Variants in PLAAT1 observed in about 807,000 individuals in gnomAD.
The protein encoded by PLAAT1 is phospholipase A and acyltransferase 1, also known as H-REV107 protein-related protein.
A neutral mutation model predicts 16.4 loss-of-function variants in PLAAT1; 13 were observed. The ratio of observed to expected loss-of-function variants is 0.79; its 90% CI spans 0.52 to 1.26. The LOEUF (loss-of-function observed/expected upper bound fraction) is 1.26. Ranked by LOEUF, PLAAT1 falls within the 50% of genes most tolerant of loss-of-function variation. The probability of loss-of-function intolerance (pLI) is 0.00; values close to 1 mark genes in which losing one functional copy is unlikely to be tolerated. For missense variants in PLAAT1, 218 were observed against 207.8 expected (o/e 1.05, Z -0.30); for synonymous variants, 73 against 78.4 (o/e 0.93, Z 0.36).
downstream of PLAAT1, chr3:193,275,084 C>A: frequency 1.2e-6 from 2 of 1,614,196 alleles, no homozygotes; most frequent in Non-Finnish European, 8.5e-7. Context: ...GTTGGCCTCC[C>A]AATTTGAGTT....
At chr3:193,247,948 G>T (rs978623985) in intron 1 of PLAAT1, among the ~76,000 whole-genome samples, 6 of 152,082 alleles carry the variant, frequency 3.9e-5, no homozygotes, top group African/African-American at 1.4e-4. Context: ...AGGTCCATTT[G>T]GCTTAAAGTA....
rs1194970182 is a variant in PLAAT1 at position 193,268,281 on chromosome 3, C to T, written c.406-2323C>T. On this transcript the variant is annotated intron_variant, in intron 3 of 3. Coordinates refer to ENST00000264735, the MANE Select transcript of PLAAT1 (RefSeq NM_020386.5). Reference sequence around the variant, plus strand: ...ACAGGAACACATCCTGATGGTGCTTCGGTGCATATGACTGCAGCCTTACGA... The same window carrying T: ...ACAGGAACACATCCTGATGGTGCTTTGGTGCATATGACTGCAGCCTTACGA... Among the ~76,000 whole-genome samples the T allele has an allele frequency of 1.3e-5, 2 of 152,228 alleles. 1 individual carries two copies. The highest frequency in any genetic ancestry group is 4.2e-4 in the South Asian group (2 of 4,812).
chr3:193,245,908 T>C (rs1343583224), intron 1 of PLAAT1, among the ~76,000 whole-genome samples: 9 of 152,238 alleles, frequency 5.9e-5, no homozygotes, highest in Non-Finnish European at 1.5e-5. Flanking sequence ...GTTGTATGGA[T>C]TCCTTATATA....
chr3:193,250,378 C>T (rs1279559880), intron 1 of PLAAT1, among the ~76,000 whole-genome samples: 1 of 152,090 alleles, frequency 6.6e-6, no homozygotes, highest in Non-Finnish European at 1.5e-5. Flanking sequence ...GTTTAATCTC[C>T]CACTCATTCT....
chr3:193,276,954 T>C lies in PLAAT1; in HGVS notation c.*60-682T>C. ...GAGCTTAGTGGTGGGCATTACTTTG[T>C]CCCTTTACAGATAATACAACTGAAG... On this transcript the variant is annotated intron_variant and NMD_transcript_variant, in intron 2 of 2. Coordinates refer to the PLAAT1 transcript ENST00000416012. 4 of 721,658 alleles carry C rather than the reference T, an allele frequency of 5.5e-6. No homozygotes were observed. In the South Asian group the frequency reaches 8.2e-5, roughly 15 times the overall value. 44.7% of individuals were successfully genotyped at this position (721,658 alleles called of 1,614,324 possible).
upstream of PLAAT1, among the ~76,000 whole-genome samples, chr3:193,240,685 G>GTGTGTGTGTGT (rs71177395): frequency 2.0e-5 from 3 of 146,992 alleles, no homozygotes; most frequent in African/African-American, 5.0e-5. Context: ...GTGTGTGTGT[G>GTGTGTGTGTGT]GTTGGAGGTC....
At chr3:193,245,320 A>G (rs1457684858) in intron 1 of PLAAT1, among the ~76,000 whole-genome samples, 1 of 152,068 alleles carries the variant, frequency 6.6e-6, no homozygotes, top group Non-Finnish European at 1.5e-5. Context: ...GGCTTATTTC[A>G]CTTAGCACAG....
downstream of PLAAT1, among the ~76,000 whole-genome samples, chr3:193,275,609 C>T (rs887291647): frequency 1.1e-4 from 16 of 152,160 alleles, 1 homozygote; most frequent in Admixed American, 9.8e-4. Flanking sequence ...CAATAACGTG[C>T]TCAAAATGAA....
At chr3:193,249,895 A>G (rs1716129993) in intron 1 of PLAAT1, among the ~76,000 whole-genome samples, 1 of 151,664 alleles carries the variant, frequency 6.6e-6, no homozygotes, top group Admixed American at 6.6e-5. Flanking sequence ...TTTTTCATGC[A>G]TTGCTTTCCC....
In PLAAT1 at chr3:193,258,252, C is replaced by T. The variant is rs182903859; in HGVS notation, c.139+2463C>T. The stretch of plus-strand genomic sequence containing the variant: ...ACAACTTACCAAAATCTTTGGGATG[C>T]GCCTAAATCAATGTTAAAAGGAAAG... On this transcript the variant is annotated intron_variant, in intron 2 of 3. Coordinates refer to ENST00000264735, the MANE Select transcript of PLAAT1 (RefSeq NM_020386.5). Among the ~76,000 whole-genome samples, 41 of 152,228 alleles carry T rather than the reference C, an allele frequency of 2.7e-4. No individual in the cohort carries two copies. The East Asian group carries it at 4.6e-3, about 17-fold the overall frequency.
At chr3:193,280,801 C>A (rs188154637), downstream of PLAAT1, among the ~76,000 whole-genome samples, 214 of 152,254 alleles carry the variant, frequency 1.4e-3, 4 homozygotes, top group South Asian at 0.02. Context: ...ATGATTCTGA[C>A]AATCCTATAA....
chr3:193,278,216 T>G (rs556732177), downstream of PLAAT1, among the ~76,000 whole-genome samples: 42 of 152,326 alleles, frequency 2.8e-4, no homozygotes, highest in South Asian at 6.2e-3. Context: ...ACTCTGGAGC[T>G]TCGTGTTTGA....
chr3:193,260,036 C>T (rs1206042290), intron 2 of PLAAT1, among the ~76,000 whole-genome samples: 1 of 152,026 alleles, frequency 6.6e-6, no homozygotes, highest in East Asian at 1.9e-4. Context: ...GAATAGAGAA[C>T]CCAGAAATAA....
At chr3:193,279,550 C>T (rs138527225), downstream of PLAAT1, 44 of 862,566 alleles carry the variant, frequency 5.1e-5, no homozygotes, top group East Asian at 9.2e-4. Context: ...TGGGCAAATA[C>T]CAGATATATC....
chr3:193,240,654 C>CGTGTGTGTGT (rs370008875), upstream of PLAAT1, among the ~76,000 whole-genome samples: 11,258 of 88,298 alleles, frequency 0.13, 895 homozygotes, highest in Admixed American at 0.17. Flanking sequence ...GGCTATCTGG[C>CGTGTGTGTGT]GTGTGTGTGT....
chr3:193,262,085 G>A (rs936950846), intron 2 of PLAAT1, among the ~76,000 whole-genome samples: 15 of 152,204 alleles, frequency 9.9e-5, no homozygotes, highest in Non-Finnish European at 2.2e-4. Context: ...CACAGCAGTT[G>A]TGGGCAGTTT....
intron 1 of PLAAT1, 120 bp downstream of exon 1, chr3:193,241,653 TC>T: frequency 7.9e-6 from 5 of 635,664 alleles, no homozygotes; most frequent in Non-Finnish European, 9.0e-6. Context: ...TCCACCCTCC[TC>T]TTTTTCACAG....
chr3:193,245,521 A>G (rs972128455), intron 1 of PLAAT1, among the ~76,000 whole-genome samples: 2 of 152,202 alleles, frequency 1.3e-5, no homozygotes, highest in African/African-American at 2.4e-5. Context: ...TATCTCTTCA[A>G]CGTAATGGCT....
At chr3:193,275,131 C>T (rs114013184), downstream of PLAAT1, 310 of 1,614,142 alleles carry the variant, frequency 1.9e-4, no homozygotes, top group African/African-American at 3.4e-3. Flanking sequence ...TCATAGCCTC[C>T]GTTGATGTAG....
Sources: allele counts gnomAD v4.1 joint callset (sites outside exome capture counted in the v4.1 genomes callset), GRCh38; gene constraint gnomAD v4.1.1; transcripts MANE v1.5; gene names NCBI Gene and HGNC (gene_info 2026-07-23, HGNC 2026-07-21).